Variants in TTC28 observed in about 807,000 individuals in gnomAD.
TTC28 encodes tetratricopeptide repeat protein 28.
TTC28 carries 61 observed loss-of-function variants against 198.0 expected under a neutral mutation model. The ratio of observed to expected loss-of-function variants is 0.31; its 90% CI spans 0.25 to 0.38. The LOEUF (loss-of-function observed/expected upper bound fraction) is 0.38. Among genes scored for constraint, TTC28 ranks in the 10% least tolerant of loss-of-function variants. TTC28 has a pLI of 1.00. For synonymous variants in TTC28, 1,171 were observed against 1,297.8 expected, an observed-to-expected ratio of 0.90 and a Z score of 2.10; for missense variants, 2,678 against 3,164.0, an observed-to-expected ratio of 0.85 and a Z score of 3.69.
intron 2 of TTC28, among the ~76,000 whole-genome samples, chr22:28,624,836 T>C (rs937728772): frequency 6.6e-6 from 1 of 151,898 alleles, no homozygotes; most frequent in African/African-American, 2.4e-5. Context: ...GATGCAAAAA[T>C]TCTTCACGAA....
intron 12 of TTC28, among the ~76,000 whole-genome samples, chr22:28,059,971 A>G (rs1426314220): frequency 7.1e-6 from 1 of 140,204 alleles, no homozygotes; most frequent in Non-Finnish European, 1.6e-5. Flanking sequence ...TGCTTTTTAA[A>G]AAATCCATTT....
chr22:28,043,241 T>TAAAAAAAAA (rs1939728695), intron 12 of TTC28, among the ~76,000 whole-genome samples: 1 of 19,484 alleles, frequency 5.1e-5, no homozygotes, highest in Non-Finnish European at 8.2e-5. Flanking sequence ...AGACTCCATC[T>TAAAAAAAAA]CAAAAAAAAA....
intron 2 of TTC28, among the ~76,000 whole-genome samples, chr22:28,538,704 C>T (rs909961507): frequency 6.6e-6 from 1 of 151,682 alleles, no homozygotes; most frequent in African/African-American, 2.4e-5. Context: ...GGATTACAGG[C>T]GTGCGCCACC....
chr22:27,990,539 T>C (rs1937362776), intron 20 of TTC28, among the ~76,000 whole-genome samples: 1 of 152,220 alleles, frequency 6.6e-6, no homozygotes, highest in African/African-American at 2.4e-5. Context: ...GTTCTGCCCC[T>C]GCTGTCTGGT....
chr22:28,559,086 A>G (rs1221292426), intron 2 of TTC28, among the ~76,000 whole-genome samples: 1 of 152,128 alleles, frequency 6.6e-6, no homozygotes, highest in East Asian at 1.9e-4. Flanking sequence ...GTGAATGATG[A>G]CCCAAAAAGA....
intron 2 of TTC28, among the ~76,000 whole-genome samples, chr22:28,372,141 A>G (rs543083951): frequency 6.6e-6 from 1 of 152,238 alleles, no homozygotes; most frequent in Admixed American, 6.5e-5. Flanking sequence ...GGAAACCTTC[A>G]ACAATGACAG....
At chr22:28,406,256 GC>G (rs2046996598) in intron 2 of TTC28, among the ~76,000 whole-genome samples, 1 of 152,208 alleles carries the variant, frequency 6.6e-6, no homozygotes, top group African/African-American at 2.4e-5. Context: ...ACTCAGCTAA[GC>G]CTTATGCCCT....
At chr22:28,322,944 T>C (rs1376199039) in intron 2 of TTC28, among the ~76,000 whole-genome samples, 2 of 152,178 alleles carry the variant, frequency 1.3e-5, no homozygotes, top group Admixed American at 1.3e-4. Context: ...TATGCTTCAG[T>C]CTTCAACATT....
chr22:28,232,642 T>A (rs1270475750), intron 5 of TTC28: 1 of 152,180 alleles, frequency 6.6e-6, no homozygotes, highest in African/African-American at 2.4e-5. Context: ...AAATAATCAG[T>A]TGAGTGGTAC....
At chr22:28,613,080 C>T (rs1348604623) in intron 2 of TTC28, among the ~76,000 whole-genome samples, 2 of 151,940 alleles carry the variant, frequency 1.3e-5, no homozygotes, top group Admixed American at 1.3e-4. Context: ...AATAGATAGA[C>T]CGCTAGCCAG....
intron 12 of TTC28, chr22:28,056,503 T>C (rs1222031301): frequency 6.6e-6 from 1 of 152,256 alleles, no homozygotes; most frequent in East Asian, 1.9e-4. Flanking sequence ...GTTTACCCTC[T>C]TTCCATTCAT....
At chr22:28,312,948 AATAG>A (rs770312061) in intron 2 of TTC28, among the ~76,000 whole-genome samples, 146 of 152,302 alleles carry the variant, frequency 9.6e-4, no homozygotes, top group African/African-American at 1.8e-3. Flanking sequence ...AGATCAACAA[AATAG>A]ATAGACCACT....
intron 3 of TTC28, among the ~76,000 whole-genome samples, chr22:28,301,241 A>G (rs1350213269): frequency 6.6e-6 from 1 of 152,220 alleles, no homozygotes; most frequent in Admixed American, 6.5e-5. Flanking sequence ...AACTTGGGCT[A>G]TTAGCAAAGG....
At chr22:28,266,405 C>A (rs1207366461) in intron 5 of TTC28, among the ~76,000 whole-genome samples, 1 of 152,056 alleles carries the variant, frequency 6.6e-6, no homozygotes, top group African/African-American at 2.4e-5. Context: ...AATTAAGCCA[C>A]CACACTGAGG....
At chr22:28,045,824 T>C in intron 12 of TTC28, among the ~76,000 whole-genome samples, 1 of 151,876 alleles carries the variant, frequency 6.6e-6, no homozygotes, top group East Asian at 1.9e-4. Flanking sequence ...ATTAGCCGGG[T>C]GTGGTGGTGC....
At chr22:28,674,242 CTGTT>C (rs2051939364) in intron 1 of TTC28, among the ~76,000 whole-genome samples, 2 of 102,822 alleles carry the variant, frequency 1.9e-5, no homozygotes, top group African/African-American at 7.6e-5. Context: ...CTTGGGGTTT[CTGTT>C]TGTGGTTTTT....
chr22:28,513,699 A>T (rs2048728992), intron 2 of TTC28, among the ~76,000 whole-genome samples: 1 of 152,234 alleles, frequency 6.6e-6, no homozygotes, highest in Non-Finnish European at 1.5e-5. Flanking sequence ...AAGTTACATT[A>T]TTAAGTAAAA....
chr22:27,992,959 G>T lies in TTC28; in HGVS notation c.5477-296C>A. 1.1e-5 allele frequency: 6 copies of T among 556,972 alleles called. No homozygotes were observed. In the South Asian group the frequency reaches 1.4e-4, roughly 13 times the overall value. 34.5% of individuals were successfully genotyped at this position (556,972 alleles called of 1,614,324 possible). A position where few individuals can be genotyped will look rare whatever the true frequency, so the allele number is the denominator to read the frequency against. On this transcript the variant is annotated intron_variant, in intron 18 of 22. Transcript: ENST00000397906. ...AGCACCCAGCTTCACCCTGGGGTTG[G>T]CCGCACAGCTTCATCGGGGCCACAG...
intron 2 of TTC28, among the ~76,000 whole-genome samples, chr22:28,537,342 A>ATAAAATAAAATAAAAT (rs2049316127): frequency 1.4e-5 from 2 of 146,418 alleles, no homozygotes; most frequent in African/African-American, 2.5e-5. Flanking sequence ...ATAAAATAAA[A>ATAAAATAAAATAAAAT]ACAAGAATAG....
Sources: allele counts gnomAD v4.1 joint callset (sites outside exome capture counted in the v4.1 genomes callset), GRCh38; gene constraint gnomAD v4.1.1; transcripts MANE v1.5; gene names NCBI Gene and HGNC (gene_info 2026-07-23, HGNC 2026-07-21).